AIG1: variants seen among roughly 807,000 people sequenced by gnomAD.
AIG1 encodes androgen induced 1, also known as androgen-induced gene 1 protein.
AIG1 carries 23 observed loss-of-function variants against 31.4 expected under a neutral mutation model. The ratio of observed to expected loss-of-function variants is 0.73; its 90% confidence interval spans 0.53 to 1.04. The LOEUF is 1.04. Among genes scored for constraint, AIG1 ranks in the 50% least tolerant of loss-of-function variants. The probability of loss-of-function intolerance (pLI) is 0.00; values close to 1 mark genes in which losing one functional copy is unlikely to be tolerated. For missense variants in AIG1, 274 were observed against 295.0 expected (o/e 0.93, Z 0.52); for synonymous variants, 100 against 110.5 (o/e 0.90, Z 0.60).
Position 143,293,033 on chromosome 6 carries a change from A to T in AIG1, c.515+8808A>T, listed in dbSNP as rs945447555. On this transcript the variant is annotated intron_variant, in intron 4 of 5. Coordinates refer to ENST00000357847, the MANE Select transcript of AIG1 (RefSeq NM_016108.4). This position sits in a 1 kb window ranked among gnomAD's most constrained non-coding sequence, Gnocchi z 4.8. Reference sequence around the variant, plus strand: ...AAATTACTTATCCTCTCTTAGCCTCATTGTTACCACCTTTAAAATGGGAAA... The same window carrying T: ...AAATTACTTATCCTCTCTTAGCCTCTTTGTTACCACCTTTAAAATGGGAAA... 3.3e-5 allele frequency among the ~76,000 whole-genome samples: 5 copies of T among 152,174 alleles called. No homozygotes were observed. Among genetic ancestry groups the T allele is most frequent in the Non-Finnish European group, 5.9e-5 (4 of 68,012 alleles).
At chr6:143,283,171 T>C (rs1240497088) in intron 3 of AIG1, among the ~76,000 whole-genome samples, 2 of 152,230 alleles carry the variant, frequency 1.3e-5, no homozygotes, top group African/African-American at 4.8e-5. Flanking sequence ...ATCTGAAAGG[T>C]TTAAGAATTT....
chr6:143,244,649 A>G (rs533045998), intron 3 of AIG1, among the ~76,000 whole-genome samples: 1 of 151,768 alleles, frequency 6.6e-6, no homozygotes, highest in South Asian at 2.1e-4. Context: ...GAAGTTTCAT[A>G]AACAAAACAC....
At chr6:143,176,207 A>G (rs555067443) in intron 3 of AIG1, among the ~76,000 whole-genome samples, 2 of 152,306 alleles carry the variant, frequency 1.3e-5, no homozygotes, top group South Asian at 4.1e-4. Context: ...TGGTGGAGGT[A>G]GCAGGGAAGA....
At chr6:143,245,264 A>G (rs1262009993) in intron 3 of AIG1, among the ~76,000 whole-genome samples, 15 of 152,226 alleles carry the variant, frequency 9.9e-5, no homozygotes, top group Non-Finnish European at 1.5e-5. Context: ...GGAAGGTATT[A>G]TTCAGTTTAT....
chr6:143,184,332 C>T (rs1789022756), intron 3 of AIG1, among the ~76,000 whole-genome samples: 1 of 152,332 alleles, frequency 6.6e-6, no homozygotes, highest in South Asian at 2.1e-4. Flanking sequence ...AGATTTCACT[C>T]TCTCCCATGA....
chr6:143,078,196 G>A (rs1777903788), intron 1 of AIG1, among the ~76,000 whole-genome samples: 1 of 152,024 alleles, frequency 6.6e-6, no homozygotes, highest in Non-Finnish European at 1.5e-5. Context: ...GTGTATTTCA[G>A]TTCTAAAATG....
chr6:143,187,739 T>C (rs1369728671), intron 3 of AIG1: 1 of 1,535,306 alleles, frequency 6.5e-7, no homozygotes, highest in Non-Finnish European at 8.7e-7. Flanking sequence ...AGGATTGACC[T>C]GGTGCCATGC....
chr6:143,342,528 A>G (rs1318334896), downstream of AIG1: 6 of 817,428 alleles, frequency 7.3e-6, no homozygotes, highest in African/African-American at 1.7e-5. Flanking sequence ...TCCCTATCCT[A>G]TAAGGACTCT....
At chr6:143,126,500 G>A (rs1191020930) in intron 1 of AIG1, among the ~76,000 whole-genome samples, 1 of 152,164 alleles carries the variant, frequency 6.6e-6, no homozygotes, top group African/African-American at 2.4e-5. Context: ...AGAATTATGC[G>A]CTGTTAAAAA....
intron 3 of AIG1, among the ~76,000 whole-genome samples, chr6:143,202,768 C>T (rs1790807444): frequency 6.6e-6 from 1 of 152,146 alleles, no homozygotes. Context: ...GATTTGATTT[C>T]TAGAGCTTCA....
chr6:143,322,364 C>T (rs1776282171), intron 4 of AIG1, among the ~76,000 whole-genome samples: 1 of 152,134 alleles, frequency 6.6e-6, no homozygotes, highest in Admixed American at 6.6e-5. Context: ...CTTCCTCCTC[C>T]CCCTCCAGAG....
At chr6:143,270,974 TTAATA>T (rs1221651582) in intron 3 of AIG1, among the ~76,000 whole-genome samples, 1 of 152,214 alleles carries the variant, frequency 6.6e-6, no homozygotes, top group Non-Finnish European at 1.5e-5. Context: ...ACATTCTCTG[TTAATA>T]TAATGCCATT....
At chr6:143,144,137 A>C (rs1283537601) in intron 2 of AIG1, among the ~76,000 whole-genome samples, 3 of 152,216 alleles carry the variant, frequency 2.0e-5, no homozygotes, top group African/African-American at 7.2e-5. Flanking sequence ...TGATGCTTCC[A>C]AGACAAATTT....
chr6:143,188,632 C>T, intron 3 of AIG1: 1 of 985,088 alleles, frequency 1.0e-6, no homozygotes, highest in Non-Finnish European at 1.2e-6. Context: ...TATATAAAAT[C>T]TGATTCTACA....
intron 3 of AIG1, among the ~76,000 whole-genome samples, chr6:143,236,875 A>T (rs1376918530): frequency 1.3e-5 from 2 of 152,232 alleles, no homozygotes; most frequent in African/African-American, 4.8e-5. Flanking sequence ...AGACAACCAT[A>T]GTAGCAATTA....
At chr6:143,269,036 G>A (rs1300489404) in intron 3 of AIG1, among the ~76,000 whole-genome samples, 1 of 151,606 alleles carries the variant, frequency 6.6e-6, no homozygotes, top group South Asian at 2.1e-4. Flanking sequence ...GCAGCTCCTA[G>A]TAGGGTGGGC....
At chr6:143,149,532 CAAAA>C (rs71767812) in intron 2 of AIG1, among the ~76,000 whole-genome samples, 3 of 39,990 alleles carry the variant, frequency 7.5e-5, no homozygotes, top group Non-Finnish European at 1.0e-4. Context: ...GACTCTGTCT[CAAAA>C]AAAAAAAAAA....
chr6:143,113,550 C>T (rs1781470949), intron 1 of AIG1, among the ~76,000 whole-genome samples: 1 of 150,148 alleles, frequency 6.7e-6, no homozygotes, highest in South Asian at 2.2e-4. Context: ...TTGTGGTCAG[C>T]CGAGATCACG....
intron 1 of AIG1, among the ~76,000 whole-genome samples, chr6:143,071,707 C>G (rs927472940): frequency 2.0e-5 from 3 of 150,210 alleles, no homozygotes; most frequent in Non-Finnish European, 3.0e-5. Context: ...TGTTGTTGTT[C>G]TTCTTCTTCC....
Sources: gnomAD v4.1 joint callset for allele counts (sites outside exome capture counted in the v4.1 genomes callset) on GRCh38, gnomAD v4.1.1 for gene constraint, Gnocchi (gnomAD v3.1) non-coding constraint, MANE v1.5 for transcripts, NCBI Gene and HGNC (gene_info 2026-07-23, HGNC 2026-07-21) for gene names.